EPM2AIP1: variants seen among roughly 807,000 people sequenced by gnomAD.
EPM2AIP1 encodes the protein EPM2A-interacting protein 1.
In EPM2AIP1, 23 loss-of-function variants were observed where a neutral mutation model predicts 44.8. That is an observed-to-expected ratio of 0.51 (90% CI 0.37 to 0.73). The LOEUF is 0.73. EPM2AIP1 is among the 30% of genes least tolerant of loss of function. EPM2AIP1 has a pLI of 0.00. For synonymous variants in EPM2AIP1, 311 were observed against 284.3 expected (o/e 1.09, Z -0.94); for missense variants, 652 against 743.9 (o/e 0.88, Z 1.44).
chr3:36,991,512 G>C lies in EPM2AIP1; in HGVS notation c.1566C>G (p.Ile522Met), dbSNP rs779808777. 46 of 1,613,810 alleles carry C rather than the reference G, an allele frequency of 2.9e-5. No homozygotes were observed. Among genetic ancestry groups the C allele is most frequent in the Non-Finnish European group, 3.9e-5 (46 of 1,179,796 alleles). The change falls in exon 1 of 1, where the codon ATC (isoleucine) becomes ATG (methionine). Residue 522 changes from isoleucine (I) to methionine (M), a missense_variant. Physicochemically the swap from Ile to Met is conservative, Grantham distance 10. Transcript: ENST00000322716. Reference sequence around the variant, plus strand: ...CAGCATAAAACTGCCCCAAGTCTTTGATTCTGTATTCATTCCAAAGATTAG... The same window carrying C: ...CAGCATAAAACTGCCCCAAGTCTTTCATTCTGTATTCATTCCAAAGATTAG... ...ANTNLWNEYR[I>M]KDLGQFYAGL...
Position 36,991,342 on chromosome 3 carries a change from T to C in EPM2AIP1, c.1736A>G (p.His579Arg), listed in dbSNP as rs2080801896. The change falls in exon 1 of 1, where the codon CAT becomes CGT. Residue 579 changes from histidine to arginine, a missense_variant. His to Arg is a conservative substitution (Grantham distance 29, BLOSUM62 0). Transcript: ENST00000322716. ...HTLSQPLTDE[H>R]LQALFRVATT... is the part of the protein sequence containing the mutation. ...GGCAACCCGAAACAGGGCTTGGAGATGCTCATCTGTTAATGGCTGACTCAA... is the reference window on the plus strand; with the variant it reads ...GGCAACCCGAAACAGGGCTTGGAGACGCTCATCTGTTAATGGCTGACTCAA... The C allele has an allele frequency of 6.2e-7, 1 of 1,613,936 alleles. No homozygotes were observed.
In EPM2AIP1 at chr3:36,991,392, T is replaced by C. The variant is rs772086113; in HGVS notation, c.1686A>G (p.Ser562=). The C allele has an allele frequency of 6.2e-7, 1 of 1,614,000 alleles. No homozygotes were observed. Among genetic ancestry groups the C allele is most frequent in the Non-Finnish European group, 8.5e-7 (1 of 1,179,896 alleles). ...AAGTGTGTTGGTTTCGAGTCAAATA[T>C]GAAAAAGCCTTTTCACAGATTTGGT... ...DSNQICEKAF[S]YLTRNQHTLS... is the part of the protein sequence containing the mutation. The change falls in exon 1 of 1, where the codon TCA becomes TCG. Residue 562 remains serine, a synonymous_variant. Transcript: ENST00000322716.
rs1415610772 is a variant in EPM2AIP1 at position 36,988,929 on chromosome 3, C to T, written c.*2325G>A. On this transcript the variant is annotated 3_prime_UTR_variant, in exon 1 of 1. Coordinates refer to ENST00000322716, the MANE Select transcript of EPM2AIP1 (RefSeq NM_014805.4). Reference sequence around the variant, plus strand: ...TATTTATTTAAAAAAAAAAAGACTGCCATGCAGTTACAGAATTACTTAATA... The same window carrying T: ...TATTTATTTAAAAAAAAAAAGACTGTCATGCAGTTACAGAATTACTTAATA... 2 of 150,398 alleles carry T rather than the reference C, an allele frequency of 1.3e-5. No homozygotes were observed. Among genetic ancestry groups the T allele is most frequent in the African/African-American group, 4.9e-5 (2 of 40,870 alleles). The allele number at this position is 150,398 out of a possible 1,614,324, so 9.3% of individuals were successfully genotyped here. A position where few individuals can be genotyped will look rare whatever the true frequency, so the allele number is the denominator to read the frequency against.
chr3:36,992,145 T>C lies in EPM2AIP1; in HGVS notation c.933A>G (p.Arg311=). 6.2e-7 allele frequency: 1 copy of C among 1,614,070 alleles called. No individual in the cohort carries two copies. Among genetic ancestry groups the C allele is most frequent in the Non-Finnish European group, 8.5e-7 (1 of 1,179,906 alleles). The change falls in exon 1 of 1, where the codon AGA becomes AGG. Residue 311 remains arginine (R), a synonymous_variant. Coordinates refer to ENST00000322716, the MANE Select transcript of EPM2AIP1 (RefSeq NM_014805.4). This position sits in a 1 kb window ranked among gnomAD's most constrained non-coding sequence, Gnocchi z 5.3. ...ISEWIVLIKT[R]GVRRPEFQTL... is the part of the protein sequence containing the mutation. ...TCTGAAATTCAGGTCGCCTAACGCC[T>C]CTGGTCTTAATCAAAACTATCCATT...
In EPM2AIP1 at chr3:36,987,317, C is replaced by T. The variant is rs770167842; in HGVS notation, c.*3937G>A. On this transcript the variant is annotated 3_prime_UTR_variant, in exon 1 of 1. Coordinates refer to ENST00000322716, the MANE Select transcript of EPM2AIP1 (RefSeq NM_014805.4). ...GGAAAAATGATTATTAACTCTTAGG[C>T]GGCATTATCTTTTTCCAATACTAAA... 6.6e-6 allele frequency: 1 copy of T among 152,158 alleles called. No homozygotes were observed. Among genetic ancestry groups the T allele is most frequent in the East Asian group, 1.9e-4 (1 of 5,194 alleles). 9.4% of individuals were successfully genotyped at this position (152,158 alleles called of 1,614,324 possible).
chr3:36,990,583 T>C lies in EPM2AIP1; in HGVS notation c.*671A>G. Reference sequence around the variant, plus strand: ...GGAAAACCCCCAATAATTAGTCTTATCTCCAAATTGCATGAAGTCTCCTAT... The same window carrying C: ...GGAAAACCCCCAATAATTAGTCTTACCTCCAAATTGCATGAAGTCTCCTAT... On this transcript the variant is annotated 3_prime_UTR_variant, in exon 1 of 1. Coordinates refer to ENST00000322716, the MANE Select transcript of EPM2AIP1 (RefSeq NM_014805.4). The C allele has an allele frequency of 1.0e-6, 1 of 985,522 alleles. No homozygotes were observed. The highest frequency in any genetic ancestry group is 1.2e-6 in the Non-Finnish European group (1 of 829,700). The allele number at this position is 985,522 out of a possible 1,614,324, so 61.0% of individuals were successfully genotyped here. A position where few individuals can be genotyped will look rare whatever the true frequency, so the allele number is the denominator to read the frequency against.
At position 36,993,090 on chromosome 3, in the gene EPM2AIP1, C is replaced by T. The variant is rs576278023; in HGVS notation, c.-13G>A. 4.0e-5 allele frequency: 63 copies of T among 1,591,802 alleles called. No homozygotes were observed. Among genetic ancestry groups the T allele is most frequent in the Middle Eastern group, 1.7e-4 (1 of 5,948 alleles). On this transcript the variant is annotated 5_prime_UTR_variant, in exon 1 of 1. Transcript: ENST00000322716. ...GCGTCATCCACATTCTGCGGGAGGCCACAAGAGCAGGGCCAACGTTAGAAA... is the reference window on the plus strand; with the variant it reads ...GCGTCATCCACATTCTGCGGGAGGCTACAAGAGCAGGGCCAACGTTAGAAA...
rs200072196 is a variant in EPM2AIP1, at chr3:36,993,112, G to A, written c.-35C>T. On this transcript the variant is annotated 5_prime_UTR_variant, in exon 1 of 1. Coordinates refer to ENST00000322716, the MANE Select transcript of EPM2AIP1 (RefSeq NM_014805.4). Reference sequence around the variant, plus strand: ...GGCCACAAGAGCAGGGCCAACGTTAGAAAGGCCGCAAGGGGAGAGGAGGAG... The same window carrying A: ...GGCCACAAGAGCAGGGCCAACGTTAAAAAGGCCGCAAGGGGAGAGGAGGAG... The A allele has an allele frequency of 1.9e-6, 3 of 1,565,632 alleles. No individual in the cohort carries two copies. The highest frequency in any genetic ancestry group is 2.7e-5 in the African/African-American group (2 of 73,510).
In EPM2AIP1 at chr3:36,992,328, C is replaced by G. The variant is rs2080826458; in HGVS notation, c.750G>C (p.Leu250Phe). The change falls in exon 1 of 1, where the codon TTG becomes TTC. Residue 250 changes from leucine (L) to phenylalanine (F), a missense_variant. Physicochemically the swap from Leu to Phe is conservative, Grantham distance 22. Transcript: ENST00000322716. The surrounding 1 kb of genome is among the most constrained non-coding windows in gnomAD (Gnocchi z 5.3). ...GTCCTGAGTTCTCACCAATCATCCT[C>G]AAAGTATGGGTCGTGGTCAGTCCAA... ...RMVGLTTTHT[L>F]RMIGENSGLV... is the part of the protein sequence containing the mutation. 6.2e-7 allele frequency: 1 copy of G among 1,614,016 alleles called. No individual in the cohort carries two copies. Among genetic ancestry groups the G allele is most frequent in the East Asian group, 2.2e-5 (1 of 44,884 alleles).
At position 36,987,442 on chromosome 3, in the gene EPM2AIP1, A is replaced by ATATATATAT. The variant is rs1431656912; in HGVS notation, c.*3811_*3812insATATATATA. ...CCTTTGGAAATTTAAAAAAAAAAAA[A>ATATATATAT]AAATATATATATATATATGACACTG... On this transcript the variant is annotated 3_prime_UTR_variant, in exon 1 of 1. Transcript: ENST00000322716. The ATATATATAT allele has an allele frequency of 7.8e-6, 1 of 127,770 alleles. No individual in the cohort carries two copies. The highest frequency in any genetic ancestry group is 1.7e-5 in the Non-Finnish European group (1 of 59,554). 7.9% of individuals were successfully genotyped at this position (127,770 alleles called of 1,614,324 possible).
chr3:36,990,442 TAAAAAA>T lies in EPM2AIP1; in HGVS notation c.*806_*811del, dbSNP rs201445268. On this transcript the variant is annotated 3_prime_UTR_variant, in exon 1 of 1. Transcript: ENST00000322716. ...GATAGGGCCAAACTTGTGTCTACAG[TAAAAAA>T]AAAAAAAAAAAGAATTACTAACTGG... 7 of 920,752 alleles carry T rather than the reference TAAAAAA, an allele frequency of 7.6e-6. No homozygotes were observed. The highest frequency in any genetic ancestry group is 8.8e-6 in the Non-Finnish European group (7 of 794,846). The allele number at this position is 920,752 out of a possible 1,614,324, so 57.0% of individuals were successfully genotyped here.
rs747584787 is a variant in EPM2AIP1 at position 36,992,027 on chromosome 3, T to C, written c.1051A>G (p.Ile351Val). Residue 351 changes from isoleucine to valine, a missense_variant, in exon 1 of 1, where the codon ATA becomes GTA. Coordinates refer to ENST00000322716, the MANE Select transcript of EPM2AIP1 (RefSeq NM_014805.4). This position sits in a 1 kb window ranked among gnomAD's most constrained non-coding sequence, Gnocchi z 5.3. ...TCCATTTCTTTTCTTAGAGAGAATA[T>C]TAGTTTTAAAGTTTTCCCTCTCCTA... Reference protein sequence around the residue: ...WLRRGKTLKLIFSLRKEMEAF... With the variant: ...WLRRGKTLKLVFSLRKEMEAF... 6.2e-7 allele frequency: 1 copy of C among 1,613,932 alleles called. No individual in the cohort carries two copies.
In EPM2AIP1 at chr3:36,986,579, G is replaced by A. The variant is rs1294541787; in HGVS notation, c.*4675C>T. The stretch of plus-strand genomic sequence containing the variant: ...GCGGACTGCTTGAGTCCAGGAATTC[G>A]AGACTAGCCTGGGGAATACAGCAAG... On this transcript the variant is annotated 3_prime_UTR_variant, in exon 1 of 1. Transcript: ENST00000322716. 2 of 151,834 alleles carry A rather than the reference G, an allele frequency of 1.3e-5. No homozygotes were observed. Among genetic ancestry groups the A allele is most frequent in the Non-Finnish European group, 2.9e-5 (2 of 68,032 alleles). 9.4% of individuals were successfully genotyped at this position (151,834 alleles called of 1,614,324 possible). A position where few individuals can be genotyped will look rare whatever the true frequency, so the allele number is the denominator to read the frequency against.
Position 36,992,168 on chromosome 3 carries a change from A to C in EPM2AIP1, c.910T>G (p.Trp304Gly). The C allele has an allele frequency of 6.2e-7, 1 of 1,613,952 alleles. No individual in the cohort carries two copies. Among genetic ancestry groups the C allele is most frequent in the South Asian group, 1.1e-5 (1 of 91,082 alleles). ...CCTCTGGTCTTAATCAAAACTATCC[A>C]TTCGGATATGGTATTTATGATCTGA... ...VNQIINTISEWIVLIKTRGVR... is the reference protein window; with the variant it reads ...VNQIINTISEGIVLIKTRGVR... The change falls in exon 1 of 1, where the codon TGG becomes GGG. Residue 304 changes from tryptophan (W) to glycine (G), a missense_variant. Coordinates refer to ENST00000322716, the MANE Select transcript of EPM2AIP1 (RefSeq NM_014805.4). This position sits in a 1 kb window ranked among gnomAD's most constrained non-coding sequence, Gnocchi z 5.3.
chr3:36,990,883 A>C lies in EPM2AIP1; in HGVS notation c.*371T>G, dbSNP rs1048132556. 9.0e-6 allele frequency: 9 copies of C among 996,452 alleles called. No homozygotes were observed. The highest frequency in any genetic ancestry group is 1.1e-5 in the Non-Finnish European group (9 of 836,398). The allele number at this position is 996,452 out of a possible 1,614,324, so 61.7% of individuals were successfully genotyped here. ...GGAGTTGATAATTTAAGACTATATG[A>C]ATCAGAATTTTAACACTCCATTAAA... On this transcript the variant is annotated 3_prime_UTR_variant, in exon 1 of 1. Coordinates refer to ENST00000322716, the MANE Select transcript of EPM2AIP1 (RefSeq NM_014805.4).
rs1294521699 is a variant in EPM2AIP1, at chr3:36,988,140, T to C, written c.*3114A>G. ...CTTAAAGATGAAGATAAATTTGTAT[T>C]GTACCCTAAGAGCAATGGTGAAAGC... On this transcript the variant is annotated 3_prime_UTR_variant, in exon 1 of 1. Coordinates refer to ENST00000322716, the MANE Select transcript of EPM2AIP1 (RefSeq NM_014805.4). 1 of 152,216 alleles carries C rather than the reference T, an allele frequency of 6.6e-6. No homozygotes were observed. The highest frequency in any genetic ancestry group is 1.5e-5 in the Non-Finnish European group (1 of 68,040). The allele number at this position is 152,216 out of a possible 1,614,324, so 9.4% of individuals were successfully genotyped here. A position where few individuals can be genotyped will look rare whatever the true frequency, so the allele number is the denominator to read the frequency against.
chr3:36,991,670 C>G lies in EPM2AIP1; in HGVS notation c.1408G>C (p.Glu470Gln). 6.2e-7 allele frequency: 1 copy of G among 1,612,442 alleles called. No individual in the cohort carries two copies. The highest frequency in any genetic ancestry group is 8.5e-7 in the Non-Finnish European group (1 of 1,179,374). The change falls in exon 1 of 1, where the codon GAA (glutamate) becomes CAA (glutamine). Residue 470 changes from glutamate (E) to glutamine (Q), a missense_variant. Glu to Gln is a conservative substitution (Grantham distance 29). Transcript: ENST00000322716. ...YQMVICRLQKEFERHFKDLRF... is the reference protein window; with the variant it reads ...YQMVICRLQKQFERHFKDLRF... Reference sequence around the variant, plus strand: ...AGGTCCTTAAAATGTCTCTCAAATTCTTTTTGGAGACGACAGATCACCATT... The same window carrying G: ...AGGTCCTTAAAATGTCTCTCAAATTGTTTTTGGAGACGACAGATCACCATT...
Position 36,986,339 on chromosome 3 carries a change from G to A in EPM2AIP1, c.*4915C>T, listed in dbSNP as rs1246856944. 3.3e-5 allele frequency: 5 copies of A among 152,090 alleles called. No individual in the cohort carries two copies. The East Asian group carries it at 9.6e-4, about 29-fold the overall frequency. The allele number at this position is 152,090 out of a possible 1,614,324, so 9.4% of individuals were successfully genotyped here. A position where few individuals can be genotyped will look rare whatever the true frequency, so the allele number is the denominator to read the frequency against. The stretch of plus-strand genomic sequence containing the variant: ...CTCAGAAAAGACTGGTCAGTTTGCA[G>A]GCAAAAATGAAAAGGAAGAGAATTC... On this transcript the variant is annotated 3_prime_UTR_variant, in exon 1 of 1. Coordinates refer to ENST00000322716, the MANE Select transcript of EPM2AIP1 (RefSeq NM_014805.4).
In EPM2AIP1 at chr3:36,991,440, C is replaced by T. The variant is rs1325042735; in HGVS notation, c.1638G>A (p.Lys546=). 2 of 1,613,966 alleles carry T rather than the reference C, an allele frequency of 1.2e-6. No homozygotes were observed. Among genetic ancestry groups the T allele is most frequent in the South Asian group, 2.2e-5 (2 of 91,076 alleles). Reference sequence around the variant, plus strand: ...GGTTACTATCAAACAAGGATGCCACCTTACAGGCAACCCCTTTGATAATTG... The same window carrying T: ...GGTTACTATCAAACAAGGATGCCACTTTACAGGCAACCCCTTTGATAATTG... The part of the protein sequence containing the change: ...SYPIIKGVAC[K]VASLFDSNQI... Residue 546 remains lysine (K), a synonymous_variant, in exon 1 of 1, where the codon AAG becomes AAA. Coordinates refer to ENST00000322716, the MANE Select transcript of EPM2AIP1 (RefSeq NM_014805.4).
Sources: gnomAD v4.1 joint callset for allele counts on GRCh38, gnomAD v4.1.1 for gene constraint, Gnocchi (gnomAD v3.1) non-coding constraint, MANE v1.5 for transcripts, NCBI Gene and HGNC (gene_info 2026-07-23, HGNC 2026-07-21) for gene names.